The following NHS variants were observed in gnomAD, a reference collection of about 807,000 sequenced individuals.
NHS encodes actin remodeling regulator NHS.
Under a neutral mutation model 72.5 loss-of-function variants are expected in NHS, and 5 were observed. The observed-to-expected ratio is 0.07, with a 90% CI of 0.04 to 0.14. The LOEUF (loss-of-function observed/expected upper bound fraction) is 0.14, where lower values mean the gene tolerates loss of function less well. Among genes scored for constraint, NHS ranks in the 10% least tolerant of loss-of-function variants. The pLI is 1.00. For synonymous variants in NHS, 464 were observed against 547.7 expected (o/e 0.85, Z 2.13); for missense variants, 1,072 against 1,355.7 (o/e 0.79, Z 3.29).
At chrX:17,510,355 G>C (rs2065081338) in intron 1 of NHS, among the ~76,000 whole-genome samples, 1 of 112,018 alleles carries the variant, frequency 8.9e-6, no homozygotes, top group Non-Finnish European at 1.9e-5. Context: ...TATTGGTCAT[G>C]GGCCTTTACA....
At chrX:17,548,557 A>G (rs1001222907) in intron 1 of NHS, among the ~76,000 whole-genome samples, 4 of 111,615 alleles carry the variant, frequency 3.6e-5, no homozygotes, top group African/African-American at 1.3e-4. Flanking sequence ...AGGGCCATGC[A>G]TGTATGCACA....
chrX:17,577,351 C>T (rs1189715345), intron 1 of NHS, among the ~76,000 whole-genome samples: 1 of 111,694 alleles, frequency 9.0e-6, no homozygotes, highest in Non-Finnish European at 1.9e-5. Context: ...TTTGGAGATG[C>T]CAGGCACCTG....
intron 1 of NHS, among the ~76,000 whole-genome samples, chrX:17,593,496 G>A (rs942206252): frequency 2.7e-5 from 3 of 110,911 alleles, no homozygotes; most frequent in African/African-American, 9.9e-5. Context: ...TTAGAACTTG[G>A]TAGTTTGGGG....
At chrX:17,492,816 C>T (rs777309797) in intron 1 of NHS, among the ~76,000 whole-genome samples, 3 of 111,777 alleles carry the variant, frequency 2.7e-5, no homozygotes, top group Non-Finnish European at 5.6e-5. Context: ...ACAGGTTCTG[C>T]TCATACCATT....
chrX:17,447,785 G>GCACACACACACACA (rs58710651), intron 1 of NHS, among the ~76,000 whole-genome samples: 12 of 89,645 alleles, frequency 1.3e-4, no homozygotes, highest in African/African-American at 4.0e-4. Flanking sequence ...ACACACACAC[G>GCACACACACACACA]CACACACACA....
chrX:17,528,384 G>A (rs1054774300), intron 1 of NHS: 1 of 111,955 alleles, frequency 8.9e-6, no homozygotes, highest in Non-Finnish European at 1.9e-5. Context: ...CTGTTCTTGT[G>A]TCTAGTATTG....
intron 5 of NHS, among the ~76,000 whole-genome samples, chrX:17,723,777 G>GCGCA (rs1556037829): frequency 4.7e-5 from 5 of 106,422 alleles, no homozygotes; most frequent in Admixed American, 2.0e-4. Context: ...GTGTGCGCGC[G>GCGCA]CGTGCGCGCA....
intron 1 of NHS, among the ~76,000 whole-genome samples, chrX:17,645,103 T>G (rs1401649753): frequency 8.9e-6 from 1 of 112,172 alleles, no homozygotes; most frequent in Admixed American, 9.5e-5. Context: ...AAAAGACAGA[T>G]AATTCATTTG....
chrX:17,616,143 G>A (rs149141462), intron 1 of NHS, among the ~76,000 whole-genome samples: 2,278 of 112,174 alleles, frequency 0.02, 51 homozygotes, highest in African/African-American at 0.066. Flanking sequence ...AGCATTTGCT[G>A]CTGTAAGGAT....
chrX:17,614,742 T>C (rs1351192362), intron 1 of NHS, among the ~76,000 whole-genome samples: 1 of 111,407 alleles, frequency 9.0e-6, no homozygotes, highest in Non-Finnish European at 1.9e-5. Flanking sequence ...CAATTTCCCA[T>C]CTTCATTGTG....
At chrX:17,690,338 G>A (rs2066188379) in intron 2 of NHS, among the ~76,000 whole-genome samples, 1 of 112,290 alleles carries the variant, frequency 8.9e-6, no homozygotes, top group Non-Finnish European at 1.9e-5. Context: ...CAACTGCCAT[G>A]CTCAGCAAAT....
intron 1 of NHS, among the ~76,000 whole-genome samples, chrX:17,442,246 C>T (rs373702692): frequency 2.7e-5 from 3 of 112,469 alleles, no homozygotes; most frequent in South Asian, 7.3e-4. Context: ...ATGTTACAGT[C>T]CAGTGTGGGT....
chrX:17,513,928 A>G (rs2065104235), intron 1 of NHS, among the ~76,000 whole-genome samples: 1 of 112,213 alleles, frequency 8.9e-6, no homozygotes, highest in Admixed American at 9.5e-5. Flanking sequence ...AAAGAGGTTT[A>G]ATGGATTTAT....
At chrX:17,467,407 T>C (rs1425047566) in intron 1 of NHS, among the ~76,000 whole-genome samples, 1 of 111,717 alleles carries the variant, frequency 9.0e-6, no homozygotes. Context: ...TTCATGATTA[T>C]AGGAGTTGGG....
rs1320234335 is a variant in NHS, at chrX:17,488,783, T to C, written c.565+112461T>C. Among the ~76,000 whole-genome samples the C allele has an allele frequency of 7.1e-5, 8 of 112,070 alleles. No individual in the cohort carries two copies. The South Asian group carries it at 2.6e-3, about 37-fold the overall frequency. On this transcript the variant is annotated intron_variant, in intron 1 of 8. Coordinates refer to ENST00000676302, the MANE Select transcript of NHS (RefSeq NM_001291867.2). ...ATGTGAAAATATCTATGTATTCTTT[T>C]TTTCTTTCTTTCTTTTTTTAAATTA...
chrX:17,601,096 A>G (rs1424547450), intron 1 of NHS, among the ~76,000 whole-genome samples: 1 of 112,001 alleles, frequency 8.9e-6, no homozygotes, highest in East Asian at 2.8e-4. Context: ...AGGTGCTAGC[A>G]TTGTAACTAA....
At chrX:17,531,993 G>A (rs1229328118) in intron 1 of NHS, among the ~76,000 whole-genome samples, 2 of 110,885 alleles carry the variant, frequency 1.8e-5, no homozygotes, top group African/African-American at 3.3e-5. Flanking sequence ...AAGTTTCATG[G>A]AGTGAGGACC....
intron 1 of NHS, among the ~76,000 whole-genome samples, chrX:17,681,935 C>T (rs2066131727): frequency 9.0e-6 from 1 of 111,348 alleles, no homozygotes. Context: ...GAACATGAGA[C>T]ACCTCATCCA....
chrX:17,415,797 T>C, intron 1 of NHS, among the ~76,000 whole-genome samples: 1 of 111,932 alleles, frequency 8.9e-6, no homozygotes, highest in East Asian at 2.8e-4. Context: ...AATCGATGTT[T>C]CTGGGCTTAG....
Sources: allele counts gnomAD v4.1 joint callset (sites outside exome capture counted in the v4.1 genomes callset), GRCh38; gene constraint gnomAD v4.1.1; transcripts MANE v1.5; gene names NCBI Gene and HGNC (gene_info 2026-07-23, HGNC 2026-07-21).